PARD3B: variants seen among roughly 807,000 people sequenced by gnomAD.
PARD3B encodes partitioning defective 3 homolog B.
In PARD3B, 103 loss-of-function variants were observed where a neutral mutation model predicts 130.2. That is an observed-to-expected ratio of 0.79 (90% confidence interval 0.67 to 0.93). PARD3B has a LOEUF of 0.93. Among genes scored for constraint, PARD3B ranks in the 40% least tolerant of loss-of-function variants. The probability of loss-of-function intolerance (pLI) is 0.00; values close to 1 mark genes in which losing one functional copy is unlikely to be tolerated. For synonymous variants in PARD3B, 583 were observed against 553.2 expected, an observed-to-expected ratio of 1.05 and a Z score of -0.76; for missense variants, 1,609 against 1,499.2, an observed-to-expected ratio of 1.07 and a Z score of -1.21.
intron 15 of PARD3B, among the ~76,000 whole-genome samples, chr2:205,224,508 A>C (rs1243014103): frequency 1.3e-5 from 2 of 150,636 alleles, no homozygotes; most frequent in African/African-American, 4.9e-5. Context: ...GTGCCCATTC[A>C]TCATTCCCAC....
intron 18 of PARD3B, among the ~76,000 whole-genome samples, chr2:205,340,346 A>G (rs1011278561): frequency 1.3e-5 from 2 of 152,184 alleles, no homozygotes; most frequent in African/African-American, 2.4e-5. Flanking sequence ...CTGCAACTTC[A>G]AAATAGACTA....
rs1399616658 is a variant in PARD3B, at chr2:205,128,988, G to A, written c.1434+3251G>A. 6.6e-6 allele frequency among the ~76,000 whole-genome samples: 1 copy of A among 152,176 alleles called. No individual in the cohort carries two copies. The highest frequency in any genetic ancestry group is 1.5e-5 in the Non-Finnish European group (1 of 68,030). On this transcript the variant is annotated intron_variant, in intron 10 of 22. Coordinates refer to ENST00000406610, the MANE Select transcript of PARD3B (RefSeq NM_001302769.2). The surrounding 1 kb of genome is among the most constrained non-coding windows in gnomAD (Gnocchi z 4.5). ...TGACATAGGCCAAGTCCACCAGGGA[G>A]CATATTAAGTTAACTGTGCAACTGT...
rs925091141 is a variant in PARD3B, at chr2:204,648,592, TATATA to T, written c.121-37583_121-37579del. Among the ~76,000 whole-genome samples the T allele has an allele frequency of 1.0e-3, 129 of 125,862 alleles. 1 individual carries two copies. Among genetic ancestry groups the T allele is most frequent in the Non-Finnish European group, 1.8e-3 (111 of 63,170 alleles). 82.6% of individuals were successfully genotyped at this position (125,862 alleles called of 152,430 possible). A position where few individuals can be genotyped will look rare whatever the true frequency, so the allele number is the denominator to read the frequency against. ...TAAATATATATTATATATTATATTA[TATATA>T]ATATATTTATATTTATATATACTAT... On this transcript the variant is annotated intron_variant, in intron 1 of 22. Transcript: ENST00000406610.
chr2:205,035,398 A>G (rs999866944), intron 3 of PARD3B, among the ~76,000 whole-genome samples: 5 of 152,136 alleles, frequency 3.3e-5, no homozygotes, highest in African/African-American at 9.6e-5. Context: ...AGTATATTCT[A>G]TATAAGAGAG....
At chr2:204,888,668 C>T (rs1158689571) in intron 2 of PARD3B, among the ~76,000 whole-genome samples, 1 of 148,116 alleles carries the variant, frequency 6.8e-6, no homozygotes, top group Non-Finnish European at 1.5e-5. Flanking sequence ...GAGGTCAAGG[C>T]TGCTAGTAAC....
chr2:204,873,628 A>G (rs900404797), intron 2 of PARD3B, among the ~76,000 whole-genome samples: 24 of 152,228 alleles, frequency 1.6e-4, no homozygotes, highest in African/African-American at 5.8e-4. Flanking sequence ...TTGAAAAACA[A>G]AACAACATGA....
chr2:204,997,071 G>C (rs376131888), intron 3 of PARD3B, among the ~76,000 whole-genome samples: 2 of 152,112 alleles, frequency 1.3e-5, no homozygotes, highest in Non-Finnish European at 2.9e-5. Flanking sequence ...GCTGTAGACC[G>C]GAGCTGTTCC....
chr2:205,344,200 G>T (rs11690324), intron 18 of PARD3B, among the ~76,000 whole-genome samples: 12 of 42,994 alleles, frequency 2.8e-4, no homozygotes, highest in Middle Eastern at 0.024. Context: ...TGGTTTGTGT[G>T]TGTGTGTGTG....
chr2:204,914,696 G>T (rs2047376292), intron 2 of PARD3B, among the ~76,000 whole-genome samples: 1 of 152,160 alleles, frequency 6.6e-6, no homozygotes, highest in East Asian at 1.9e-4. Context: ...TGTCCTGGTG[G>T]TGAAGAGGTT....
chr2:205,203,615 C>A (rs1024155252), intron 15 of PARD3B, among the ~76,000 whole-genome samples: 3 of 152,216 alleles, frequency 2.0e-5, no homozygotes, highest in Non-Finnish European at 2.9e-5. Context: ...CTCCCACCCC[C>A]CAACAGGCCC....
intron 2 of PARD3B, among the ~76,000 whole-genome samples, chr2:204,766,793 G>A (rs1372956044): frequency 8.1e-6 from 1 of 123,410 alleles, no homozygotes; most frequent in Non-Finnish European, 1.8e-5. Context: ...GTTGAAATAT[G>A]CCCTTTTGTA....
At chr2:204,603,563 A>G (rs563315097) in intron 1 of PARD3B, among the ~76,000 whole-genome samples, 81 of 151,866 alleles carry the variant, frequency 5.3e-4, no homozygotes, top group African/African-American at 2.0e-3. Context: ...TTTTTTTTTT[A>G]AAGATCATAA....
At position 205,105,583 on chromosome 2, in the gene PARD3B, A is replaced by G. The variant is rs1298650583; in HGVS notation, c.593+1069A>G. Reference sequence around the variant, plus strand: ...ATTCTCCTCAAACTTATTTATAGCCACGTGAGCATAGTTACTCTTTATTTA... The same window carrying G: ...ATTCTCCTCAAACTTATTTATAGCCGCGTGAGCATAGTTACTCTTTATTTA... On this transcript the variant is annotated intron_variant, in intron 5 of 22. Coordinates refer to ENST00000406610, the MANE Select transcript of PARD3B (RefSeq NM_001302769.2). The surrounding 1 kb of genome is among the most constrained non-coding windows in gnomAD (Gnocchi z 4.0). 6.6e-6 allele frequency among the ~76,000 whole-genome samples: 1 copy of G among 152,140 alleles called. No homozygotes were observed.
rs201422555 is a variant in PARD3B, at chr2:205,550,976, TACACACACACACAC to T, written c.3181-2334_3181-2321del. 4.0e-5 allele frequency among the ~76,000 whole-genome samples: 5 copies of T among 125,570 alleles called. No homozygotes were observed. The highest frequency in any genetic ancestry group is 6.2e-5 in the African/African-American group (2 of 32,286). The allele number at this position is 125,570 out of a possible 152,430, so 82.4% of individuals were successfully genotyped here. A position where few individuals can be genotyped will look rare whatever the true frequency, so the allele number is the denominator to read the frequency against. On this transcript the variant is annotated intron_variant, in intron 21 of 22. Coordinates refer to ENST00000406610, the MANE Select transcript of PARD3B (RefSeq NM_001302769.2). The surrounding 1 kb of genome is among the most constrained non-coding windows in gnomAD (Gnocchi z 4.5). ...ATGTGTATATATATATATATATATATACACACACACACACACACACACACACATAATCTGTTCCT... is the reference window on the plus strand; with the variant it reads ...ATGTGTATATATATATATATATATATACACACACACACATAATCTGTTCCT...
rs1437148478 is a variant in PARD3B at position 205,460,139 on chromosome 2, C to T, written c.3044+19467C>T. 1.3e-5 allele frequency among the ~76,000 whole-genome samples: 2 copies of T among 152,106 alleles called. No individual in the cohort carries two copies. Among genetic ancestry groups the T allele is most frequent in the Admixed American group, 6.6e-5 (1 of 15,252 alleles). The stretch of plus-strand genomic sequence containing the variant: ...AACTTTTTTGAGTCTCTGCAATTTC[C>T]AAGTCTCAAAACTAATTCACTAGAA... On this transcript the variant is annotated intron_variant, in intron 20 of 22. Transcript: ENST00000406610. The surrounding 1 kb of genome is among the most constrained non-coding windows in gnomAD (Gnocchi z 4.9).
At chr2:204,576,262 T>G (rs1574487080) in intron 1 of PARD3B, among the ~76,000 whole-genome samples, 1 of 152,170 alleles carries the variant, frequency 6.6e-6, no homozygotes. Flanking sequence ...GGTGCTGCTA[T>G]TTTTGAAGAC....
At chr2:205,596,578 C>A (rs190858252) in intron 22 of PARD3B, among the ~76,000 whole-genome samples, 5 of 152,260 alleles carry the variant, frequency 3.3e-5, no homozygotes, top group Admixed American at 3.3e-4. Context: ...TCATGGGGTG[C>A]TTAGATTCTA....
rs757844137 is a variant in PARD3B, at chr2:205,301,775, T to A, written c.2630+74T>A. On this transcript the variant is annotated intron_variant, in intron 18 of 22. Transcript: ENST00000406610. The surrounding 1 kb of genome is among the most constrained non-coding windows in gnomAD (Gnocchi z 5.2). ...GGTAAAATCACTCCTTTGTCTGTACTCAGAAAAAAGCGCACGCTTTTCCTC... is the reference window on the plus strand; with the variant it reads ...GGTAAAATCACTCCTTTGTCTGTACACAGAAAAAAGCGCACGCTTTTCCTC... 1.2e-6 allele frequency: 2 copies of A among 1,612,866 alleles called. No homozygotes were observed. The highest frequency in any genetic ancestry group is 2.7e-5 in the African/African-American group (2 of 74,904).
At chr2:204,597,596 C>T (rs1004572437) in intron 1 of PARD3B, among the ~76,000 whole-genome samples, 9 of 152,144 alleles carry the variant, frequency 5.9e-5, no homozygotes, top group Non-Finnish European at 1.3e-4. Flanking sequence ...GTGATGTTGA[C>T]CCTTTTTTAC....
Sources: allele counts gnomAD v4.1 joint callset (sites outside exome capture counted in the v4.1 genomes callset), GRCh38; gene constraint gnomAD v4.1.1; non-coding constraint Gnocchi (gnomAD v3.1); transcripts MANE v1.5; gene names NCBI Gene and HGNC (gene_info 2026-07-23, HGNC 2026-07-21).